The following UBE4B variants were observed in gnomAD, a reference collection of about 807,000 sequenced individuals.
UBE4B encodes ubiquitination factor E4B.
Under a neutral mutation model 148.1 loss-of-function variants are expected in UBE4B, and 27 were observed. That is an observed-to-expected ratio of 0.18 (90% CI 0.13 to 0.25). The LOEUF is 0.25. UBE4B is among the 10% of genes least tolerant of loss of function. The pLI, the probability that UBE4B is intolerant of heterozygous loss-of-function variation, is 1.00. For synonymous variants in UBE4B, 596 were observed against 619.3 expected, an observed-to-expected ratio of 0.96 and a Z score of 0.56; for missense variants, 1,170 against 1,662.4, an observed-to-expected ratio of 0.70 and a Z score of 5.15.
chr1:10,171,294 T>A lies in UBE4B; in HGVS notation c.3490T>A (p.Cys1164Ser). 1 of 1,613,992 alleles carries A rather than the reference T, an allele frequency of 6.2e-7. No homozygotes were observed. Among genetic ancestry groups the A allele is most frequent in the Non-Finnish European group, 8.5e-7 (1 of 1,179,916 alleles). The part of the protein sequence containing the change: ...QLTDIYLQLD[C>S]ARFAKAIADD... ...GACGGATATTTACTTACAGCTGGAC[T>A]GTGCTCGGTTCGCGAAAGCCATTGC... Residue 1164 changes from cysteine (C) to serine (S), a missense_variant, in exon 25 of 28, where the codon TGT (cysteine) becomes AGT (serine). By Grantham distance (112) the Cys-to-Ser change is moderately radical. Coordinates refer to ENST00000343090, the MANE Select transcript of UBE4B (RefSeq NM_001105562.3).
chr1:10,151,291 G>A, intron 20 of UBE4B, 35 bp from the exon 21 acceptor site: 1 of 1,597,304 alleles, frequency 6.3e-7, no homozygotes, highest in Non-Finnish European at 8.6e-7. Context: ...CAGTTTCTCA[G>A]CGGTCTCTTT....
intron 10 of UBE4B, among the ~76,000 whole-genome samples, chr1:10,125,275 G>T (rs959073805): frequency 6.6e-6 from 1 of 152,214 alleles, no homozygotes; most frequent in African/African-American, 2.4e-5. Context: ...AACCAGTTAT[G>T]AACTAATTTT....
chr1:10,039,404 A>G (rs1438727790), intron 1 of UBE4B, among the ~76,000 whole-genome samples: 1 of 151,996 alleles, frequency 6.6e-6, no homozygotes, highest in Non-Finnish European at 1.5e-5. Context: ...GAGGGCTGTC[A>G]GAAACGTTTA....
At chr1:10,090,793 T>TTG (rs57486350) in intron 2 of UBE4B, among the ~76,000 whole-genome samples, 41,451 of 141,318 alleles carry the variant, frequency 0.29, 6,103 homozygotes, top group Admixed American at 0.37. Flanking sequence ...GCCTATGCAT[T>TTG]TGTGTGTGTG....
At chr1:10,173,698 A>G (rs9783053) in intron 25 of UBE4B, among the ~76,000 whole-genome samples, 34,843 of 152,000 alleles carry the variant, frequency 0.23, 6,166 homozygotes, top group African/African-American at 0.5. Context: ...GGAAAGCCCC[A>G]GGGCTCTTCC....
chr1:10,138,709 C>G (rs74946358), intron 17 of UBE4B, among the ~76,000 whole-genome samples: 1 of 151,988 alleles, frequency 6.6e-6, no homozygotes, highest in East Asian at 1.9e-4. Flanking sequence ...CTTGAAATTT[C>G]CATCTTGTTT....
intron 9 of UBE4B, among the ~76,000 whole-genome samples, chr1:10,121,248 T>A (rs200822867): frequency 6.6e-6 from 1 of 151,118 alleles, no homozygotes; most frequent in Non-Finnish European, 1.5e-5. Flanking sequence ...CCCAGCTACT[T>A]GGGAGGCTGA....
chr1:10,041,520 A>C (rs970299546), intron 1 of UBE4B, among the ~76,000 whole-genome samples: 3 of 151,482 alleles, frequency 2.0e-5, no homozygotes, highest in Admixed American at 6.6e-5. Context: ...TTTTTAGTAG[A>C]GATGGGGTTT....
chr1:10,175,465 C>T (rs1459277172), intron 25 of UBE4B, among the ~76,000 whole-genome samples: 4 of 150,422 alleles, frequency 2.7e-5, no homozygotes, highest in East Asian at 2.0e-4. Flanking sequence ...TCCTGGCTAA[C>T]ACGGTGAAAC....
At chr1:10,151,947 C>G (rs896513689) in intron 21 of UBE4B, among the ~76,000 whole-genome samples, 5 of 152,038 alleles carry the variant, frequency 3.3e-5, no homozygotes, top group African/African-American at 1.2e-4. Flanking sequence ...GTGGGTGAAA[C>G]AGGGAGCTTG....
At chr1:10,036,740 T>G (rs180741864) in intron 1 of UBE4B, among the ~76,000 whole-genome samples, 17 of 152,302 alleles carry the variant, frequency 1.1e-4, no homozygotes, top group Admixed American at 6.5e-4. Context: ...ACTCTGTAGT[T>G]GAAAACTTGT....
intron 1 of UBE4B, among the ~76,000 whole-genome samples, chr1:10,037,201 A>AT (rs1201737203): frequency 2.0e-5 from 3 of 152,000 alleles, no homozygotes; most frequent in Non-Finnish European, 4.4e-5. Flanking sequence ...CTAATTTTGT[A>AT]TTTTTAGTAG....
rs7522444 is a variant in UBE4B at position 10,156,332 on chromosome 1, C to T, written c.2927-2024C>T. On this transcript the variant is annotated intron_variant, in intron 21 of 27. Coordinates refer to ENST00000343090, the MANE Select transcript of UBE4B (RefSeq NM_001105562.3). ...ACAGCACCATGCACTCTTGACCTCCCGGGCTCAAGTGATCCTCCTACCTCA... is the reference window on the plus strand; with the variant it reads ...ACAGCACCATGCACTCTTGACCTCCTGGGCTCAAGTGATCCTCCTACCTCA... 3.1e-3 allele frequency among the ~76,000 whole-genome samples: 472 copies of T among 151,052 alleles called. 2 individuals are homozygous for T. Among genetic ancestry groups the T allele is most frequent in the African/African-American group, 0.01 (428 of 41,032 alleles).
chr1:10,038,781 T>A lies in UBE4B; in HGVS notation c.24+5087T>A, dbSNP rs116416434. Among the ~76,000 whole-genome samples the A allele has an allele frequency of 6.5e-3, 997 of 152,244 alleles. 12 individuals are homozygous for A. The highest frequency in any genetic ancestry group is 0.023 in the African/African-American group (942 of 41,534). On this transcript the variant is annotated intron_variant, in intron 1 of 27. Coordinates refer to ENST00000343090, the MANE Select transcript of UBE4B (RefSeq NM_001105562.3). ...GTCCTCCCACTCCCAATTTTTTTTT[T>A]AAATGCCTGTCGCGTTAAAAATTTG... is the stretch of plus-strand genomic sequence containing the variant.
rs767666737 is a variant in UBE4B at position 10,072,058 on chromosome 1, G to A, written c.55G>A (p.Gly19Ser). 1 of 1,608,168 alleles carries A rather than the reference G, an allele frequency of 6.2e-7. No individual in the cohort carries two copies. The highest frequency in any genetic ancestry group is 8.5e-7 in the Non-Finnish European group (1 of 1,177,684). The change falls in exon 2 of 28, where the codon GGT (glycine) becomes AGT (serine). Residue 19 changes from glycine (G) to serine (S), a missense_variant. Physicochemically the swap from Gly to Ser is moderately conservative, Grantham distance 56 (BLOSUM62 0). This residue lies in a region of UBE4B where 127 missense variants were observed against 153.2 expected (regional missense o/e 0.83). Coordinates refer to ENST00000343090, the MANE Select transcript of UBE4B (RefSeq NM_001105562.3). ...IRRRRLARLA[G>S]GQTSQPTTPL... ...ACGGAGGCGCCTTGCACGACTTGCT[G>A]GTGGACAGACCTCTCAGCCAACCAC...
intron 2 of UBE4B, among the ~76,000 whole-genome samples, chr1:10,086,963 C>T (rs1179754776): frequency 1.3e-5 from 2 of 152,174 alleles, no homozygotes; most frequent in African/African-American, 4.8e-5. Context: ...TGAGCCACCG[C>T]GCCTGGCCTC....
chr1:10,150,901 C>G (rs1334906824), intron 20 of UBE4B, among the ~76,000 whole-genome samples: 1 of 148,246 alleles, frequency 6.7e-6, no homozygotes, highest in African/African-American at 2.5e-5. Context: ...GTGGCTCATG[C>G]CTGTAATCCC....
intron 4 of UBE4B, 34 bp downstream of exon 4, chr1:10,101,229 T>G: frequency 6.2e-7 from 1 of 1,600,630 alleles, no homozygotes; most frequent in Non-Finnish European, 8.6e-7. Flanking sequence ...GTACAGGTAA[T>G]AGAAATAAAC....
At chr1:10,119,674 A>T (rs1368461891) in intron 9 of UBE4B, 61 bp downstream of exon 9, 29 of 1,491,014 alleles carry the variant, frequency 1.9e-5, no homozygotes, top group Non-Finnish European at 2.7e-5. Context: ...GTCAGTGGAC[A>T]TCAGGCTCTC....
Sources: gnomAD v4.1 joint callset for allele counts (sites outside exome capture counted in the v4.1 genomes callset) on GRCh38, gnomAD v4.1.1 for gene constraint, gnomAD v4.1.1 regional missense constraint, MANE v1.5 for transcripts, NCBI Gene and HGNC (gene_info 2026-07-23, HGNC 2026-07-21) for gene names.